SVIL: variants seen among roughly 807,000 people sequenced by gnomAD.
SVIL encodes archvillin.
In SVIL, 101 loss-of-function variants were observed where a neutral mutation model predicts 240.4. The ratio of observed to expected loss-of-function variants is 0.42; its 90% CI spans 0.36 to 0.50. The LOEUF (loss-of-function observed/expected upper bound fraction) is 0.50. Ranked by LOEUF, SVIL falls within the 20% of genes least tolerant of loss-of-function variation. The probability of loss-of-function intolerance (pLI) is 0.01; values close to 1 mark genes in which losing one functional copy is unlikely to be tolerated. For synonymous variants in SVIL, 999 were observed against 1,100.0 expected (o/e 0.91, Z 1.82); for missense variants, 2,512 against 2,818.7 (o/e 0.89, Z 2.46).
At position 29,695,280 on chromosome 10, in the gene SVIL, A is replaced by G. The variant is rs531778052; in HGVS notation, c.-399-8629T>C. ...ACTCACCTTGACGTCTCCTATGAGAAGGGGTAGTGGGAGTGAGGGATGAAA... is the reference window on the plus strand; with the variant it reads ...ACTCACCTTGACGTCTCCTATGAGAGGGGGTAGTGGGAGTGAGGGATGAAA... On this transcript the variant is annotated intron_variant, in intron 1 of 35. Coordinates refer to the SVIL transcript ENST00000375400. 6.6e-5 allele frequency among the ~76,000 whole-genome samples: 10 copies of G among 152,256 alleles called. No individual in the cohort carries two copies. In the South Asian group the frequency reaches 2.1e-3, roughly 32 times the overall value.
chr10:29,555,364 A>C (rs1463417791), intron 3 of SVIL, among the ~76,000 whole-genome samples: 1 of 151,976 alleles, frequency 6.6e-6, no homozygotes, highest in Non-Finnish European at 1.5e-5. Context: ...CCTAGGACGC[A>C]TCATCCTCTT....
At chr10:29,583,891 G>A (rs1353705163) in intron 1 of SVIL, among the ~76,000 whole-genome samples, 1 of 152,128 alleles carries the variant, frequency 6.6e-6, no homozygotes, top group African/African-American at 2.4e-5. Flanking sequence ...TTAAGCAAAG[G>A]ATATCAAACT....
intron 6 of SVIL, among the ~76,000 whole-genome samples, chr10:29,541,183 G>A (rs914659568): frequency 6.6e-6 from 1 of 152,004 alleles, no homozygotes; most frequent in African/African-American, 2.4e-5. Context: ...TAAATGTTAC[G>A]CTTAATTATT....
chr10:29,467,707 A>AC, intron 33 of SVIL, 35 bp downstream of exon 33: 1 of 1,612,692 alleles, frequency 6.2e-7, no homozygotes, highest in Non-Finnish European at 8.5e-7. Flanking sequence ...AAACAAACAA[A>AC]AAAACCAGAT....
At position 29,471,219 on chromosome 10, in the gene SVIL, G is replaced by T. The variant is rs201952415; in HGVS notation, c.5554C>A (p.Pro1852Thr). The T allele has an allele frequency of 6.2e-7, 1 of 1,612,908 alleles. No individual in the cohort carries two copies. The highest frequency in any genetic ancestry group is 8.5e-7 in the Non-Finnish European group (1 of 1,179,148). ...AQVQVLQGKE[P>T]PCFLQCFQGG... ...TGGAAACACTGCAGGAAACAGGGGG[G>T]CTCCTTTCCCTGGAGAACCTGGACC... The change falls in exon 31 of 38, where the codon CCC becomes ACC. Residue 1852 changes from proline (P) to threonine (T), a missense_variant. Physicochemically the swap from Pro to Thr is conservative, Grantham distance 38. Around this residue, in one of 3 missense-constraint regions of SVIL, gnomAD observed 797 missense variants for 925.3 expected, o/e 0.86. Coordinates refer to ENST00000355867, the MANE Select transcript of SVIL (RefSeq NM_021738.3).
Position 29,512,852 on chromosome 10 carries a change from C to T in SVIL, c.3399G>A (p.Leu1133=), listed in dbSNP as rs143041990. The change falls in exon 17 of 38, where the codon CTG becomes CTA. Residue 1133 remains leucine (L), a synonymous_variant. Transcript: ENST00000355867. ...AATCTTCCTCCCCGCTTTTCTTCAA[C>T]AGTGCCAATCTAGGAGGAAAACATG... ...KTMSIKERLA[L]LKKSGEEDWR... 1.9e-6 allele frequency: 3 copies of T among 1,610,068 alleles called. No homozygotes were observed. Among genetic ancestry groups the T allele is most frequent in the African/African-American group, 1.3e-5 (1 of 74,994 alleles).
chr10:29,673,898 G>A (rs1162031632), intron 2 of SVIL, among the ~76,000 whole-genome samples: 2 of 152,200 alleles, frequency 1.3e-5, no homozygotes, highest in Non-Finnish European at 2.9e-5. Context: ...AGGAAGTTAA[G>A]AATGGCTCTT....
intron 1 of SVIL, among the ~76,000 whole-genome samples, chr10:29,605,108 C>A (rs1956971296): frequency 6.6e-6 from 1 of 152,172 alleles, no homozygotes; most frequent in Admixed American, 6.5e-5. Context: ...CAGAAGTGTG[C>A]AAAGTACTCT....
At chr10:29,730,767 G>A (rs1408813498) in intron 1 of SVIL, among the ~76,000 whole-genome samples, 1 of 152,134 alleles carries the variant, frequency 6.6e-6, no homozygotes, top group Non-Finnish European at 1.5e-5. Flanking sequence ...GAGTCAGAGG[G>A]TTTTATACAT....
chr10:29,663,789 G>A (rs11007686), intron 2 of SVIL, among the ~76,000 whole-genome samples: 22,031 of 152,236 alleles, frequency 0.14, 1,698 homozygotes, highest in Middle Eastern at 0.22. Flanking sequence ...AAAGAGATGC[G>A]GAAAGACTGA....
At chr10:29,656,954 T>C (rs1959025178) in intron 3 of SVIL, among the ~76,000 whole-genome samples, 1 of 152,218 alleles carries the variant, frequency 6.6e-6, no homozygotes, top group Non-Finnish European at 1.5e-5. Flanking sequence ...TGCCAGCACA[T>C]ATTCATAATT....
At position 29,486,418 on chromosome 10, in the gene SVIL, C is replaced by T. The variant is rs763925616; in HGVS notation, c.4625G>A (p.Ser1542Asn). The T allele has an allele frequency of 1.9e-5, 30 of 1,614,124 alleles. No individual in the cohort carries two copies. Among genetic ancestry groups the T allele is most frequent in the Non-Finnish European group, 2.5e-5 (30 of 1,180,040 alleles). Residue 1542 changes from serine (S) to asparagine (N), a missense_variant, in exon 25 of 38, where the codon AGT becomes AAT. Ser to Asn is a conservative substitution (Grantham distance 46). This residue lies in a region of SVIL where 797 missense variants were observed against 925.3 expected (regional missense o/e 0.86). Transcript: ENST00000355867. ...GTACAATGAAGTCTTACATTGGTAA[C>T]TGGTTTGGCCACCCAGAAGCTTCCA... ...DFWKLLGGQT[S>N]YQSAGDPKED... is the part of the protein sequence containing the mutation.
intron 2 of SVIL, among the ~76,000 whole-genome samples, chr10:29,667,291 C>T (rs890470746): frequency 6.6e-6 from 1 of 152,078 alleles, no homozygotes; most frequent in Non-Finnish European, 1.5e-5. Flanking sequence ...CAATAGAACA[C>T]AACTCAGCAA....
At position 29,735,528 on chromosome 10, in the gene SVIL, C is replaced by T. The variant is rs903515476; in HGVS notation, c.-400+223G>A. Among the ~76,000 whole-genome samples the T allele has an allele frequency of 6.7e-6, 1 of 150,192 alleles. No individual in the cohort carries two copies. Among genetic ancestry groups the T allele is most frequent in the Non-Finnish European group, 1.5e-5 (1 of 67,190 alleles). On this transcript the variant is annotated intron_variant, in intron 1 of 35. Coordinates refer to the SVIL transcript ENST00000375400. The surrounding 1 kb of genome is among the most constrained non-coding windows in gnomAD (Gnocchi z 4.1). ...CCTTTGTTACGGCTCGGGGACCCCG[C>T]GGGCCGAGCGCAGCGCCCCGTCGCA...
In SVIL at chr10:29,652,730, G is replaced by A. The variant is rs564407582; in HGVS notation, c.-201+5239C>T. Reference sequence around the variant, plus strand: ...TCCTCACAAACAACTGTCATTATCCGTCTTTGTGGGTATGAAGTGTTTTTT... The same window carrying A: ...TCCTCACAAACAACTGTCATTATCCATCTTTGTGGGTATGAAGTGTTTTTT... On this transcript the variant is annotated intron_variant, in intron 3 of 35. Coordinates refer to the SVIL transcript ENST00000375400. Among the ~76,000 whole-genome samples, 5 of 152,260 alleles carry A rather than the reference G, an allele frequency of 3.3e-5. 1 individual carries two copies. Among genetic ancestry groups the A allele is most frequent in the South Asian group, 2.1e-4 (1 of 4,820 alleles).
chr10:29,498,312 G>T, intron 18 of SVIL, among the ~76,000 whole-genome samples: 1 of 151,954 alleles, frequency 6.6e-6, no homozygotes, highest in East Asian at 1.9e-4. Context: ...CAGCTACTTG[G>T]GGGGCTGAGG....
At chr10:29,710,944 G>A (rs1308722322) in intron 1 of SVIL, among the ~76,000 whole-genome samples, 3 of 152,190 alleles carry the variant, frequency 2.0e-5, no homozygotes, top group Non-Finnish European at 2.9e-5. Flanking sequence ...GAAGCCATGA[G>A]GACATCAGTG....
At chr10:29,718,402 G>A (rs998372617) in intron 1 of SVIL, among the ~76,000 whole-genome samples, 1 of 152,014 alleles carries the variant, frequency 6.6e-6, no homozygotes, top group Non-Finnish European at 1.5e-5. Context: ...TACATATGTG[G>A]TTTACATTAC....
rs1945861243 is a variant in SVIL at position 29,473,842 on chromosome 10, G to A, written c.5525C>T (p.Ala1842Val). 1.9e-6 allele frequency: 3 copies of A among 1,613,840 alleles called. No homozygotes were observed. The highest frequency in any genetic ancestry group is 2.7e-5 in the African/African-American group (2 of 74,976). ...GCAGAGCTCCCCAGGACTCACCTGG[G>A]CCCCCCTTTCCTCGTCCAGCTCCAC... ...MTVELDEERG[A>V]QVQVLQGKEP... The change falls in exon 30 of 38, where the codon GCC becomes GTC. Residue 1842 changes from alanine (A) to valine (V), a missense_variant. This residue lies in a region of SVIL where 797 missense variants were observed against 925.3 expected (regional missense o/e 0.86). Coordinates refer to ENST00000355867, the MANE Select transcript of SVIL (RefSeq NM_021738.3).
Sources: gnomAD v4.1 joint callset for allele counts (sites outside exome capture counted in the v4.1 genomes callset) on GRCh38, gnomAD v4.1.1 for gene constraint, gnomAD v4.1.1 regional missense constraint, Gnocchi (gnomAD v3.1) non-coding constraint, MANE v1.5 for transcripts, NCBI Gene and HGNC (gene_info 2026-07-23, HGNC 2026-07-21) for gene names.